The following TNRC6B variants were observed in gnomAD, a reference collection of about 807,000 sequenced individuals.
TNRC6B encodes the protein trinucleotide repeat containing adaptor 6B, also known as trinucleotide repeat-containing gene 6B protein.
In TNRC6B, 52 loss-of-function variants were observed where a neutral mutation model predicts 203.6. The observed-to-expected ratio is 0.26, with a 90% CI of 0.20 to 0.32. TNRC6B has a LOEUF of 0.32. Ranked by LOEUF, TNRC6B falls within the 10% of genes least tolerant of loss-of-function variation. The pLI is 1.00. For missense variants in TNRC6B, 1,923 were observed against 2,286.2 expected (o/e 0.84, Z 3.24); for synonymous variants, 838 against 845.7 (o/e 0.99, Z 0.16).
chr22:40,292,143 G>A (rs2070876546), intron 12 of TNRC6B, among the ~76,000 whole-genome samples: 1 of 152,092 alleles, frequency 6.6e-6, no homozygotes, highest in African/African-American at 2.4e-5. Context: ...GCAGTGAGCC[G>A]AGATCGTGCC....
chr22:40,181,974 G>A (rs2069136656), intron 1 of TNRC6B, among the ~76,000 whole-genome samples: 1 of 151,260 alleles, frequency 6.6e-6, no homozygotes, highest in Admixed American at 6.6e-5. Context: ...AGCCGGGCGT[G>A]GTGGCTCACG....
intron 4 of TNRC6B, among the ~76,000 whole-genome samples, chr22:40,262,590 A>C (rs1264205283): frequency 3.9e-5 from 6 of 152,192 alleles, no homozygotes; most frequent in Non-Finnish European, 8.8e-5. Flanking sequence ...GCTACATTGC[A>C]ATATAGAATC....
Position 40,266,270 on chromosome 22 carries a change from G to C in TNRC6B, c.2040G>C (p.Trp680Cys), listed in dbSNP as rs758228613. 1.1e-5 allele frequency: 17 copies of C among 1,593,452 alleles called. No individual in the cohort carries two copies. Among genetic ancestry groups the C allele is most frequent in the African/African-American group, 4.0e-5 (3 of 74,444 alleles). Residue 680 changes from tryptophan (W) to cysteine (C), a missense_variant, in exon 5 of 23, where the codon TGG becomes TGC. Physicochemically the swap from Trp to Cys is radical, Grantham distance 215 (BLOSUM62 -2). Coordinates refer to ENST00000454349, the MANE Select transcript of TNRC6B (RefSeq NM_001162501.2). ...AAAGCAATCAAATGAAGTCTGGATG[G>C]GGGGAGCTCTCAGCCTCTACAGAGT... Reference protein sequence around the residue: ...PSQSNQMKSGWGELSASTEWK... With the variant: ...PSQSNQMKSGCGELSASTEWK...
chr22:40,295,909 C>CAGAT (rs1222225071), intron 12 of TNRC6B, among the ~76,000 whole-genome samples: 7 of 152,060 alleles, frequency 4.6e-5, no homozygotes, highest in Non-Finnish European at 1.5e-5. Flanking sequence ...AACCAAAAGA[C>CAGAT]AGATCCTAGA....
At chr22:40,231,291 G>T (rs2069866094) in intron 1 of TNRC6B, among the ~76,000 whole-genome samples, 1 of 152,118 alleles carries the variant, frequency 6.6e-6, no homozygotes. Flanking sequence ...AAAAAATTCT[G>T]CTGGGATTTT....
At chr22:40,067,063 C>T (rs2067900421) in intron 1 of TNRC6B, among the ~76,000 whole-genome samples, 1 of 151,872 alleles carries the variant, frequency 6.6e-6, no homozygotes, top group Admixed American at 6.6e-5. Flanking sequence ...GCCACCATGC[C>T]CAGTTAATTT....
upstream of TNRC6B, among the ~76,000 whole-genome samples, chr22:40,175,973 T>C (rs939297631): frequency 5.3e-5 from 8 of 152,220 alleles, no homozygotes; most frequent in African/African-American, 1.9e-4. Context: ...CGTAGGTTCC[T>C]TTTCAAGGAA....
At chr22:40,312,475 C>A (rs778372472) in intron 17 of TNRC6B, 30 bp from the exon 18 acceptor site, 17 of 1,589,128 alleles carry the variant, frequency 1.1e-5, no homozygotes, top group Non-Finnish European at 1.3e-5. Context: ...AACGACCTTC[C>A]TTCTCTAATA....
chr22:40,293,651 T>G (rs1390126243), intron 12 of TNRC6B, among the ~76,000 whole-genome samples: 1 of 151,838 alleles, frequency 6.6e-6, no homozygotes, highest in African/African-American at 2.4e-5. Context: ...TGGGGAATAA[T>G]GGGTTCTTGC....
intron 15 of TNRC6B, 26 bp downstream of exon 15, chr22:40,301,359 CT>C: frequency 6.3e-7 from 1 of 1,595,326 alleles, no homozygotes; most frequent in Non-Finnish European, 8.6e-7. Flanking sequence ...AGAAAATTAC[CT>C]TTTTAGAAAT....
intron 1 of TNRC6B, among the ~76,000 whole-genome samples, chr22:40,195,544 C>T (rs2069326243): frequency 6.6e-6 from 1 of 151,132 alleles, no homozygotes; most frequent in Non-Finnish European, 1.5e-5. Context: ...CTCACTACAG[C>T]CTCAAACTGG....
At chr22:40,133,938 C>T (rs1297942168) in intron 3 of TNRC6B, among the ~76,000 whole-genome samples, 1 of 135,550 alleles carries the variant, frequency 7.4e-6, no homozygotes, top group African/African-American at 2.8e-5. Context: ...ACATTGTACT[C>T]CAGCCTGGGC....
upstream of TNRC6B, among the ~76,000 whole-genome samples, chr22:40,177,090 G>A (rs1023873144): frequency 6.6e-6 from 1 of 152,202 alleles, no homozygotes; most frequent in African/African-American, 2.4e-5. Context: ...GGTTTCTTAA[G>A]TGGGTAGGAG....
At chr22:40,284,515 C>T (rs191579489) in intron 11 of TNRC6B, among the ~76,000 whole-genome samples, 1 of 152,202 alleles carries the variant, frequency 6.6e-6, no homozygotes, top group East Asian at 1.9e-4. Context: ...GGACATTTTC[C>T]GGTGTGTGGA....
chr22:40,200,877 A>G (rs183954720), intron 1 of TNRC6B, among the ~76,000 whole-genome samples: 46 of 152,242 alleles, frequency 3.0e-4, no homozygotes, highest in Non-Finnish European at 5.7e-4. Flanking sequence ...CATGAGAGGC[A>G]GTGGAATGTG....
At chr22:40,276,268 G>A (rs1368577289) in intron 7 of TNRC6B, among the ~76,000 whole-genome samples, 1 of 151,622 alleles carries the variant, frequency 6.6e-6, no homozygotes, top group African/African-American at 2.4e-5. Context: ...AATGGCGTGA[G>A]CCCGGGAGGC....
chr22:40,109,191 C>G (rs1374915451), intron 1 of TNRC6B, among the ~76,000 whole-genome samples: 4 of 152,110 alleles, frequency 2.6e-5, no homozygotes, highest in Non-Finnish European at 5.9e-5. Context: ...CATTGATGGG[C>G]CTTTGGGTTG....
chr22:40,176,197 T>C (rs2069056610), upstream of TNRC6B, among the ~76,000 whole-genome samples: 1 of 150,458 alleles, frequency 6.6e-6, no homozygotes, highest in Non-Finnish European at 1.5e-5. Context: ...CGATCTCGGC[T>C]CACCACAACC....
intron 4 of TNRC6B, among the ~76,000 whole-genome samples, chr22:40,165,731 A>G (rs1303643346): frequency 6.6e-6 from 1 of 152,204 alleles, no homozygotes; most frequent in African/African-American, 2.4e-5. Flanking sequence ...ACTTGGCGGC[A>G]GAAAGGAGAA....
Sources: gnomAD v4.1 joint callset for allele counts (sites outside exome capture counted in the v4.1 genomes callset) on GRCh38, gnomAD v4.1.1 for gene constraint, MANE v1.5 for transcripts, NCBI Gene and HGNC (gene_info 2026-07-23, HGNC 2026-07-21) for gene names.